The following AFF2 variants were observed in gnomAD, a reference collection of about 807,000 sequenced individuals.
The protein encoded by AFF2 is AF4/FMR2 family member 2.
In AFF2, 14 loss-of-function variants were observed where a neutral mutation model predicts 76.9. The ratio of observed to expected loss-of-function variants is 0.18; its 90% CI spans 0.12 to 0.28. The LOEUF (loss-of-function observed/expected upper bound fraction) is 0.28. AFF2 is among the 10% of genes least tolerant of loss of function. The pLI is 1.00. For missense variants in AFF2, 868 were observed against 1,001.1 expected (o/e 0.87, Z 1.79); for synonymous variants, 398 against 366.7 (o/e 1.09, Z -0.98).
At chrX:148,786,448 A>T (rs1341630464) in intron 3 of AFF2, among the ~76,000 whole-genome samples, 4 of 112,036 alleles carry the variant, frequency 3.6e-5, no homozygotes, top group Non-Finnish European at 7.5e-5. Flanking sequence ...TAGAATTCCA[A>T]GGTCAAGCTT....
intron 7 of AFF2, among the ~76,000 whole-genome samples, chrX:148,872,923 G>C (rs1307005791): frequency 1.8e-5 from 2 of 111,725 alleles, no homozygotes; most frequent in Non-Finnish European, 3.8e-5. Context: ...GTGGATTAGA[G>C]TTTCAACTCT....
chrX:148,661,255 A>G (rs2054301230), intron 2 of AFF2, among the ~76,000 whole-genome samples: 1 of 112,833 alleles, frequency 8.9e-6, no homozygotes, highest in Non-Finnish European at 1.9e-5. Flanking sequence ...ATGAGTATGA[A>G]TCATCAATAT....
chrX:148,691,196 G>A (rs2054647633), intron 3 of AFF2, among the ~76,000 whole-genome samples: 1 of 111,853 alleles, frequency 8.9e-6, no homozygotes, highest in Non-Finnish European at 1.9e-5. Flanking sequence ...CCAAAAGGGT[G>A]TGAAGATTAA....
intron 1 of AFF2, among the ~76,000 whole-genome samples, chrX:148,504,530 C>T (rs1557232257): frequency 1.8e-5 from 2 of 112,540 alleles, no homozygotes; most frequent in African/African-American, 3.2e-5. Context: ...AGCTTGCAAA[C>T]GGGCAGTTAT....
At chrX:148,867,654 T>C (rs2070923098) in intron 7 of AFF2, among the ~76,000 whole-genome samples, 1 of 112,037 alleles carries the variant, frequency 8.9e-6, no homozygotes, top group Admixed American at 9.4e-5. Context: ...GCAACACAGA[T>C]GTTCATTCGG....
chrX:148,924,211 T>G (rs1315216217), intron 9 of AFF2, among the ~76,000 whole-genome samples: 1 of 112,221 alleles, frequency 8.9e-6, no homozygotes, highest in African/African-American at 3.2e-5. Context: ...TAAAACCTTT[T>G]TACTATATGG....
chrX:148,845,196 A>T (rs1469503238), intron 7 of AFF2, among the ~76,000 whole-genome samples: 3 of 111,283 alleles, frequency 2.7e-5, no homozygotes, highest in African/African-American at 9.8e-5. Context: ...ACTTGAAAAA[A>T]ATATAAAAAT....
At chrX:148,604,847 T>C (rs1342222187) in intron 1 of AFF2, among the ~76,000 whole-genome samples, 1 of 111,647 alleles carries the variant, frequency 9.0e-6, no homozygotes, top group Non-Finnish European at 1.9e-5. Flanking sequence ...GCAAATCTAA[T>C]CAATAAATCA....
rs1373217131 is a variant in AFF2 at position 148,992,250 on chromosome X, G to GCAA, written c.*927_*929dup. ...AGGAATTCACACCTCTGCCTCCTTT[G>GCAA]CAACAACAACATTTACACAGTTGGT... On this transcript the variant is annotated 3_prime_UTR_variant, in exon 21 of 21. Transcript: ENST00000370460. The GCAA allele has an allele frequency of 1.8e-5, 2 of 111,964 alleles. No homozygotes were observed. Among genetic ancestry groups the GCAA allele is most frequent in the Admixed American group, 9.4e-5 (1 of 10,591 alleles). 9.2% of individuals were successfully genotyped at this position (111,964 alleles called of 1,213,427 possible).
intron 3 of AFF2, among the ~76,000 whole-genome samples, chrX:148,790,067 G>T (rs1402127891): frequency 8.9e-6 from 1 of 112,009 alleles, no homozygotes; most frequent in Non-Finnish European, 1.9e-5. Context: ...ACAGAGAGCT[G>T]TAAGAATAAG....
At chrX:148,931,984 T>C (rs1416113001) in intron 9 of AFF2, among the ~76,000 whole-genome samples, 1 of 112,071 alleles carries the variant, frequency 8.9e-6, no homozygotes, top group Non-Finnish European at 1.9e-5. Context: ...AGATATGTAG[T>C]AGACTCCACT....
intron 3 of AFF2, among the ~76,000 whole-genome samples, chrX:148,769,486 C>T (rs1353333565): frequency 1.8e-5 from 2 of 111,707 alleles, no homozygotes; most frequent in Non-Finnish European, 3.8e-5. Flanking sequence ...CTGTTGAACA[C>T]TTTTACAATA....
intron 1 of AFF2, among the ~76,000 whole-genome samples, chrX:148,530,901 G>A (rs1478995742): frequency 9.0e-6 from 1 of 111,637 alleles, no homozygotes; most frequent in Non-Finnish European, 1.9e-5. Flanking sequence ...ACATGTTTGG[G>A]TGGCTCTGCC....
intron 1 of AFF2, among the ~76,000 whole-genome samples, chrX:148,614,702 TTTCTTTCTTTCTTTC>T (rs2053769072): frequency 2.1e-5 from 1 of 47,167 alleles, no homozygotes; most frequent in Non-Finnish European, 3.7e-5. Context: ...CTTTTCTTTC[TTTCTTTCTTTCTTTC>T]TTTCTTTCTT....
intron 1 of AFF2, among the ~76,000 whole-genome samples, chrX:148,586,574 C>G (rs1787907530): frequency 8.9e-6 from 1 of 111,817 alleles, no homozygotes; most frequent in South Asian, 3.7e-4. Context: ...AATATATACC[C>G]AGTTCATCTT....
rs1274461731 is a variant in AFF2 at position 148,523,937 on chromosome X, AC to A, written c.47+22796del. ...TTTGACTTGGAAAGGCACCCACTCC[AC>A]CCTTGTATTTTCAAAGTGGCTCTTA... is the stretch of plus-strand genomic sequence containing the variant. On this transcript the variant is annotated intron_variant, in intron 1 of 20. Transcript: ENST00000370460. Among the ~76,000 whole-genome samples, 4 of 110,945 alleles carry A rather than the reference AC, an allele frequency of 3.6e-5. 1 individual carries two copies. In the Admixed American group the frequency reaches 3.9e-4, roughly 11 times the overall value.
intron 3 of AFF2, among the ~76,000 whole-genome samples, chrX:148,674,079 C>T (rs2054454163): frequency 8.9e-6 from 1 of 112,035 alleles, no homozygotes; most frequent in Non-Finnish European, 1.9e-5. Flanking sequence ...ATACTTATCT[C>T]TGCTATTGTA....
chrX:148,974,940 A>T (rs2124405347), intron 16 of AFF2, among the ~76,000 whole-genome samples: 1 of 112,628 alleles, frequency 8.9e-6, no homozygotes, highest in African/African-American at 3.2e-5. Context: ...ATAAGGATTC[A>T]AAACTGAAGG....
chrX:148,921,497 A>C (rs190307922), intron 9 of AFF2, among the ~76,000 whole-genome samples: 1 of 112,490 alleles, frequency 8.9e-6, no homozygotes, highest in African/African-American at 3.2e-5. Flanking sequence ...TAAAAATGGA[A>C]TCATACAGTA....
Sources: allele counts gnomAD v4.1 joint callset (sites outside exome capture counted in the v4.1 genomes callset), GRCh38; gene constraint gnomAD v4.1.1; transcripts MANE v1.5; gene names NCBI Gene and HGNC (gene_info 2026-07-23, HGNC 2026-07-21).